The following CSGALNACT1 variants were observed in gnomAD, a reference collection of about 807,000 sequenced individuals.
The protein encoded by CSGALNACT1 is chondroitin sulfate N-acetylgalactosaminyltransferase 1.
Under a neutral mutation model 51.0 loss-of-function variants are expected in CSGALNACT1, and 52 were observed. The observed-to-expected ratio is 1.02, with a 90% CI of 0.82 to 1.29. CSGALNACT1 has a LOEUF of 1.29. CSGALNACT1 is among the 50% of genes most tolerant of loss of function. The pLI, the probability that CSGALNACT1 is intolerant of heterozygous loss-of-function variation, is 0.00. For missense variants in CSGALNACT1, 935 were observed against 679.2 expected (o/e 1.38, Z -4.19); for synonymous variants, 341 against 254.4 (o/e 1.34, Z -3.24).
intron 6 of CSGALNACT1, among the ~76,000 whole-genome samples, chr8:19,424,809 C>G (rs1046681875): frequency 3.9e-5 from 6 of 152,128 alleles, no homozygotes; most frequent in Non-Finnish European, 7.4e-5. Context: ...ACTGATGTGC[C>G]CAACGTAGTG....
intron 1 of CSGALNACT1, among the ~76,000 whole-genome samples, chr8:19,620,165 A>G (rs2053626543): frequency 6.6e-6 from 1 of 151,916 alleles, no homozygotes; most frequent in African/African-American, 2.4e-5. Context: ...ATACAAAAAA[A>G]TTAGCCAGGA....
chr8:19,539,632 G>A (rs1467116527), intron 3 of CSGALNACT1, among the ~76,000 whole-genome samples: 2 of 152,200 alleles, frequency 1.3e-5, no homozygotes, highest in Admixed American at 1.3e-4. Context: ...CCAGATTAAA[G>A]GAGGTGGCAG....
intron 5 of CSGALNACT1, 48 bp downstream of exon 4, chr8:19,458,378 C>A (rs373099340): frequency 6.5e-5 from 93 of 1,430,438 alleles, no homozygotes; most frequent in Non-Finnish European, 8.9e-5. Context: ...TATCAGTGTT[C>A]TAACACACAT....
intron 1 of CSGALNACT1, among the ~76,000 whole-genome samples, chr8:19,748,661 C>T (rs570384995): frequency 6.6e-6 from 1 of 152,148 alleles, no homozygotes; most frequent in Admixed American, 6.5e-5. Context: ...GGATGAGAAA[C>T]AGGAATCTAA....
chr8:19,424,881 C>A lies in CSGALNACT1; in HGVS notation c.954-4363G>T, dbSNP rs192718822. 4.4e-3 allele frequency among the ~76,000 whole-genome samples: 677 copies of A among 152,344 alleles called. 7 individuals carry two copies. The highest frequency in any genetic ancestry group is 5.8e-3 in the Non-Finnish European group (393 of 68,036). The stretch of plus-strand genomic sequence containing the variant: ...TGAGGCTGCAGCCCCCAAATGCAGA[C>A]TGTAGTGGTTGCCAGGCAGGCATGC... On this transcript the variant is annotated intron_variant, in intron 6 of 9. Coordinates refer to ENST00000454498, the Ensembl canonical transcript of CSGALNACT1.
At chr8:19,708,192 T>C (rs186280234) in intron 1 of CSGALNACT1, among the ~76,000 whole-genome samples, 3 of 152,286 alleles carry the variant, frequency 2.0e-5, no homozygotes, top group African/African-American at 7.2e-5. Context: ...CTGTTTTATT[T>C]TGACATTCTA....
intron 1 of CSGALNACT1, among the ~76,000 whole-genome samples, chr8:19,729,756 T>C (rs2063588010): frequency 6.6e-6 from 1 of 152,070 alleles, no homozygotes; most frequent in African/African-American, 2.4e-5. Context: ...ATTTATCCTC[T>C]GCTTTGACCA....
intron 1 of CSGALNACT1, among the ~76,000 whole-genome samples, chr8:19,616,403 GA>G (rs201364946): frequency 1.3e-5 from 2 of 151,302 alleles, no homozygotes; most frequent in Non-Finnish European, 2.9e-5. Context: ...AGGGGTCATA[GA>G]AAAAAAAATT....
At chr8:19,651,502 G>A (rs4279609) in intron 1 of CSGALNACT1, among the ~76,000 whole-genome samples, 66,435 of 152,034 alleles carry the variant, frequency 0.44, 14,926 homozygotes, top group Middle Eastern at 0.54. Flanking sequence ...ACTTGTAAGC[G>A]AGAACATGCA....
chr8:19,519,022 A>T (rs1029063256), intron 3 of CSGALNACT1, among the ~76,000 whole-genome samples: 1 of 152,230 alleles, frequency 6.6e-6, no homozygotes, highest in Non-Finnish European at 1.5e-5. Flanking sequence ...GATGAGAAAC[A>T]ATATTTACCC....
intron 3 of CSGALNACT1, among the ~76,000 whole-genome samples, chr8:19,578,841 G>A (rs1052860864): frequency 2.0e-5 from 3 of 152,008 alleles, no homozygotes; most frequent in African/African-American, 7.2e-5. Flanking sequence ...ACATTTTTGA[G>A]TCTTCATCCT....
chr8:19,730,327 G>A (rs1339685172), intron 1 of CSGALNACT1, among the ~76,000 whole-genome samples: 2 of 152,136 alleles, frequency 1.3e-5, no homozygotes, highest in Admixed American at 6.5e-5. Context: ...GGCTGGCTGC[G>A]GTGGGATTTG....
intron 5 of CSGALNACT1, among the ~76,000 whole-genome samples, chr8:19,450,099 G>GGAGGAAGGGGAA (rs2062844707): frequency 9.2e-6 from 1 of 108,968 alleles, no homozygotes; most frequent in Admixed American, 9.5e-5. Flanking sequence ...AGGAGGGGGA[G>GGAGGAAGGGGAA]GAGGAAGGGG....
At chr8:19,742,111 A>T (rs1193379936) in intron 1 of CSGALNACT1, among the ~76,000 whole-genome samples, 2 of 152,220 alleles carry the variant, frequency 1.3e-5, no homozygotes, top group Non-Finnish European at 2.9e-5. Context: ...TAAATGTTAT[A>T]ATGCCCATTT....
chr8:19,598,708 C>A (rs2049520972), intron 2 of CSGALNACT1, among the ~76,000 whole-genome samples: 1 of 152,094 alleles, frequency 6.6e-6, no homozygotes, highest in Non-Finnish European at 1.5e-5. Flanking sequence ...GCTGGATCAC[C>A]AAAATGGGAA....
intron 6 of CSGALNACT1, among the ~76,000 whole-genome samples, chr8:19,428,849 G>A (rs967906024): frequency 1.4e-4 from 21 of 151,024 alleles, no homozygotes; most frequent in Admixed American, 3.3e-4. Context: ...GTGTGTGTGT[G>A]TGTGTGTGTG....
At chr8:19,509,742 A>T (rs768307398) in intron 3 of CSGALNACT1, among the ~76,000 whole-genome samples, 2 of 152,104 alleles carry the variant, frequency 1.3e-5, no homozygotes, top group African/African-American at 2.4e-5. Flanking sequence ...TCTCTGTGCA[A>T]TCTCCTTCTC....
intron 1 of CSGALNACT1, among the ~76,000 whole-genome samples, chr8:19,690,407 C>A (rs57663769): frequency 6.6e-6 from 1 of 152,030 alleles, no homozygotes; most frequent in African/African-American, 2.4e-5. Context: ...TGGGCCTTAA[C>A]ATTCTGTTTC....
chr8:19,464,723 T>G (rs1221069293), intron 4 of CSGALNACT1, among the ~76,000 whole-genome samples: 2 of 152,106 alleles, frequency 1.3e-5, no homozygotes, highest in Admixed American at 6.5e-5. Flanking sequence ...CTTATGAGAA[T>G]TGAAATAATG....
Sources: allele counts gnomAD v4.1 joint callset (sites outside exome capture counted in the v4.1 genomes callset), GRCh38; gene constraint gnomAD v4.1.1; transcripts MANE v1.5; gene names NCBI Gene and HGNC (gene_info 2026-07-23, HGNC 2026-07-21).